The following ZNF398 variants were observed in gnomAD, a reference collection of about 807,000 sequenced individuals.
The protein encoded by ZNF398 is zinc finger DNA binding protein ZER6.
Under a neutral mutation model 41.9 loss-of-function variants are expected in ZNF398, and 18 were observed. That is an observed-to-expected ratio of 0.43 (90% CI 0.30 to 0.64). ZNF398 has a LOEUF of 0.64. Ranked by LOEUF, ZNF398 falls within the 30% of genes least tolerant of loss-of-function variation. The pLI is 0.14. For missense variants in ZNF398, 669 were observed against 822.8 expected, an observed-to-expected ratio of 0.81 and a Z score of 2.29; for synonymous variants, 260 against 308.8, an observed-to-expected ratio of 0.84 and a Z score of 1.66.
Position 149,179,661 on chromosome 7 carries a change from G to T in ZNF398, c.1789G>T (p.Asp597Tyr), listed in dbSNP as rs1228955516. The change falls in exon 6 of 6, where the codon GAT (aspartate) becomes TAT (tyrosine). Residue 597 changes from aspartate to tyrosine, a missense_variant. Physicochemically the swap from Asp to Tyr is radical, Grantham distance 160. This residue lies in a region of ZNF398 where 210 missense variants were observed against 290.4 expected (regional missense o/e 0.72). Transcript: ENST00000475153. The surrounding 1 kb of genome is among the most constrained non-coding windows in gnomAD (Gnocchi z 6.1). ...RSGHNGGCGG[D>Y]SDPSGQPPNP... ...AGGCCACAATGGAGGCTGTGGGGGT[G>T]ATAGTGACCCATCAGGTCAGCCACC... 6.2e-7 allele frequency: 1 copy of T among 1,614,236 alleles called. No individual in the cohort carries two copies. The highest frequency in any genetic ancestry group is 1.7e-5 in the Admixed American group (1 of 60,020).
intron 2 of ZNF398, among the ~76,000 whole-genome samples, chr7:149,156,517 A>G (rs568283238): frequency 6.6e-6 from 1 of 151,000 alleles, no homozygotes; most frequent in Non-Finnish European, 1.5e-5. Context: ...AAAAAAAAAA[A>G]AAAAAAAAAA....
Position 149,179,768 on chromosome 7 carries a change from G to C in ZNF398, c.1896G>C (p.Trp632Cys). The change falls in exon 6 of 6, where the codon TGG becomes TGC. Residue 632 changes from tryptophan (W) to cysteine (C), a missense_variant. Physicochemically the swap from Trp to Cys is radical, Grantham distance 215 (BLOSUM62 -2). Coordinates refer to ENST00000475153, the MANE Select transcript of ZNF398 (RefSeq NM_170686.3). The surrounding 1 kb of genome is among the most constrained non-coding windows in gnomAD (Gnocchi z 6.1). ...VNTEGLETNQ[W>C]YGEGSGGGVL ...CTGAAGGTCTAGAGACCAACCAGTGGTATGGGGAAGGGAGTGGAGGGGGAG... is the reference window on the plus strand; with the variant it reads ...CTGAAGGTCTAGAGACCAACCAGTGCTATGGGGAAGGGAGTGGAGGGGGAG... 1 of 1,602,808 alleles carries C rather than the reference G, an allele frequency of 6.2e-7. No individual in the cohort carries two copies.
At position 149,149,579 on chromosome 7, in the gene ZNF398, G is replaced by C. The variant is rs140792587; in HGVS notation, c.24+1813G>C. Among the ~76,000 whole-genome samples the C allele has an allele frequency of 4.0e-3, 613 of 152,240 alleles. 4 individuals carry two copies. The highest frequency in any genetic ancestry group is 6.9e-3 in the Non-Finnish European group (469 of 68,028). On this transcript the variant is annotated intron_variant, in intron 1 of 5. Coordinates refer to ENST00000475153, the MANE Select transcript of ZNF398 (RefSeq NM_170686.3). ...TGGCCGGGTGTGGTGGCTCAAGCCT[G>C]TTATCCCAAGCACTTCAGGAGGCTG...
intron 2 of ZNF398, among the ~76,000 whole-genome samples, chr7:149,160,023 G>A (rs1795072652): frequency 6.6e-6 from 1 of 152,116 alleles, no homozygotes; most frequent in Non-Finnish European, 1.5e-5. Context: ...ACCGGGCCCA[G>A]CCAGTGTGAA....
rs893523899 is a variant in ZNF398 at position 149,182,546 on chromosome 7, G to A, written c.*2745G>A. 2 of 152,156 alleles carry A rather than the reference G, an allele frequency of 1.3e-5. No individual in the cohort carries two copies. The highest frequency in any genetic ancestry group is 2.9e-5 in the Non-Finnish European group (2 of 68,012). 9.4% of individuals were successfully genotyped at this position (152,156 alleles called of 1,614,324 possible). A position where few individuals can be genotyped will look rare whatever the true frequency, so the allele number is the denominator to read the frequency against. ...TAACACTTCAGTTAAAGAAATACATGAGAACTGCTTGTCATGACCAGACAA... is the reference window on the plus strand; with the variant it reads ...TAACACTTCAGTTAAAGAAATACATAAGAACTGCTTGTCATGACCAGACAA... On this transcript the variant is annotated 3_prime_UTR_variant, in exon 6 of 6. Coordinates refer to ENST00000475153, the MANE Select transcript of ZNF398 (RefSeq NM_170686.3).
At chr7:149,160,254 C>T (rs532686735) in intron 2 of ZNF398, among the ~76,000 whole-genome samples, 2 of 152,080 alleles carry the variant, frequency 1.3e-5, no homozygotes, top group South Asian at 4.2e-4. Context: ...CTGGCTGACA[C>T]GGGGGTCTCA....
intron 1 of ZNF398, among the ~76,000 whole-genome samples, chr7:149,148,984 C>T (rs1563156936): frequency 6.7e-6 from 1 of 148,606 alleles, no homozygotes; most frequent in Non-Finnish European, 1.5e-5. Flanking sequence ...GACACCCCTG[C>T]TTAAATTCTC....
At position 149,148,584 on chromosome 7, in the gene ZNF398, T is replaced by G. The variant is rs1375010259; in HGVS notation, c.24+818T>G. On this transcript the variant is annotated intron_variant, in intron 1 of 5. Coordinates refer to ENST00000475153, the MANE Select transcript of ZNF398 (RefSeq NM_170686.3). ...AGGAAGAGCAGCGATGGGTAGGGGG[T>G]AGAGCAGAGGGAAGTGCCACCTCCA... is the stretch of plus-strand genomic sequence containing the variant. 3 of 676,094 alleles carry G rather than the reference T, an allele frequency of 4.4e-6. No individual in the cohort carries two copies. The African/African-American group carries it at 5.9e-5, about 13-fold the overall frequency. 41.9% of individuals were successfully genotyped at this position (676,094 alleles called of 1,614,324 possible).
chr7:149,147,880 C>A lies in ZNF398; in HGVS notation c.24+114C>A. 8.3e-7 allele frequency: 1 copy of A among 1,209,284 alleles called. No homozygotes were observed. The highest frequency in any genetic ancestry group is 1.1e-6 in the Non-Finnish European group (1 of 949,152). 74.9% of individuals were successfully genotyped at this position (1,209,284 alleles called of 1,614,324 possible). ...GGCGCCGTTCTCGGGTCCCGCCGGC[C>A]ACGTCGCCTGTCGCCCGTGCTTGGC... On this transcript the variant is annotated intron_variant, in intron 1 of 5. Transcript: ENST00000475153. The surrounding 1 kb of genome is among the most constrained non-coding windows in gnomAD (Gnocchi z 5.6).
chr7:149,133,689 G>GTATATATATATA (rs1236595957), intron 2 of ZNF398, among the ~76,000 whole-genome samples: 1 of 36,666 alleles, frequency 2.7e-5, no homozygotes, highest in African/African-American at 8.5e-5. Flanking sequence ...ACATATATAT[G>GTATATATATATA]TGTGTATATA....
rs1795557029 is a variant in ZNF398, at chr7:149,180,008, A to G, written c.*207A>G. 2.1e-6 allele frequency: 1 copy of G among 479,638 alleles called. No homozygotes were observed. Among genetic ancestry groups the G allele is most frequent in the Non-Finnish European group, 3.6e-6 (1 of 276,874 alleles). 29.7% of individuals were successfully genotyped at this position (479,638 alleles called of 1,614,324 possible). On this transcript the variant is annotated 3_prime_UTR_variant, in exon 6 of 6. Transcript: ENST00000475153. ...ATACCACATTTTGAAACCCAGAAAG[A>G]CCTGGAAAGGAGCCCAGCATGTCCA...
At chr7:149,157,890 C>T (rs1449213049) in intron 2 of ZNF398, among the ~76,000 whole-genome samples, 2 of 148,180 alleles carry the variant, frequency 1.3e-5, no homozygotes, top group Admixed American at 6.8e-5. Flanking sequence ...TAGGAGGAGC[C>T]GGCAGAGGAG....
intron 4 of ZNF398, among the ~76,000 whole-genome samples, chr7:149,167,825 A>T (rs545968349): frequency 4.7e-4 from 71 of 151,680 alleles, no homozygotes; most frequent in African/African-American, 1.6e-3. Flanking sequence ...GTTAGCAAGG[A>T]TGGTCTTGAT....
chr7:149,153,828 G>C, intron 1 of ZNF398, 117 bp from the exon 2 acceptor site: 1 of 1,254,958 alleles, frequency 8.0e-7, no homozygotes, highest in Non-Finnish European at 1.1e-6. Flanking sequence ...GGCAGTACTA[G>C]AACTATATTC....
At chr7:149,133,678 T>TATATATATATATACACACAC (rs1483673161) in intron 2 of ZNF398, among the ~76,000 whole-genome samples, 2 of 67,014 alleles carry the variant, frequency 3.0e-5, no homozygotes, top group African/African-American at 1.2e-4. Flanking sequence ...TATATATATA[T>TATATATATATATACACACAC]ACATATATAT....
chr7:149,135,308 T>G (rs1239529139), intron 2 of ZNF398, among the ~76,000 whole-genome samples: 1 of 138,234 alleles, frequency 7.2e-6, no homozygotes, highest in African/African-American at 2.8e-5. Flanking sequence ...GAGAATGGCA[T>G]GAACCTGGGA....
intron 2 of ZNF398, among the ~76,000 whole-genome samples, chr7:149,133,986 G>T (rs532022911): frequency 6.7e-6 from 1 of 149,416 alleles, no homozygotes; most frequent in Admixed American, 6.7e-5. Flanking sequence ...CCTGACCTCA[G>T]GTGATCTGCC....
intron 2 of ZNF398, among the ~76,000 whole-genome samples, chr7:149,136,078 A>G (rs1826706562): frequency 2.0e-5 from 3 of 152,180 alleles, no homozygotes; most frequent in African/African-American, 7.2e-5. Flanking sequence ...ATTCAAGGTC[A>G]TAAATATTTG....
chr7:149,136,389 G>A (rs1020964786), intron 2 of ZNF398, among the ~76,000 whole-genome samples: 1 of 151,622 alleles, frequency 6.6e-6, no homozygotes, highest in Non-Finnish European at 1.5e-5. Context: ...CTTCCCAGAC[G>A]GGTTGGCGGC....
Sources: gnomAD v4.1 joint callset for allele counts (sites outside exome capture counted in the v4.1 genomes callset) on GRCh38, gnomAD v4.1.1 for gene constraint, gnomAD v4.1.1 regional missense constraint, Gnocchi (gnomAD v3.1) non-coding constraint, MANE v1.5 for transcripts, NCBI Gene and HGNC (gene_info 2026-07-23, HGNC 2026-07-21) for gene names.